The following TEX13A variants were observed in gnomAD, a reference collection of about 807,000 sequenced individuals.
TEX13A encodes testis-expressed protein 13A.
In TEX13A, 8 loss-of-function variants were observed where a neutral mutation model predicts 7.1. The ratio of observed to expected loss-of-function variants is 1.12; its 90% CI spans 0.66 to 2.03. The LOEUF is 2.03. TEX13A is among the 30% of genes most tolerant of loss of function. The pLI is 0.00. For synonymous variants in TEX13A, 151 were observed against 134.2 expected, an observed-to-expected ratio of 1.13 and a Z score of -0.87; for missense variants, 362 against 332.2, an observed-to-expected ratio of 1.09 and a Z score of -0.70.
rs782778489 is a variant in TEX13A, at chrX:105,218,960, G to A, written c.*4C>T. ...TGCTTCGGTTCTATTTTGCATTTCT[G>A]CACTCAATGAGGTTTTTGCAGCCAG... On this transcript the variant is annotated 3_prime_UTR_variant, in exon 3 of 3. Coordinates refer to ENST00000600991, the MANE Select transcript of TEX13A (RefSeq NM_031274.5). 26 of 1,196,896 alleles carry A rather than the reference G, an allele frequency of 2.2e-5. No homozygotes were observed. The South Asian group carries it at 4.7e-4, about 21-fold the overall frequency.
At chrX:105,219,784 G>A (rs782631025) in intron 2 of TEX13A, 26 bp from the exon 3 acceptor site, 23 of 1,177,253 alleles carry the variant, frequency 2.0e-5, no homozygotes, top group African/African-American at 5.3e-5. Flanking sequence ...CAGGGCTGAG[G>A]TGTGTTCTGG....
rs369301346 is a variant in TEX13A, at chrX:105,219,076, A to G, written c.1118T>C (p.Val373Ala). 1.7e-5 allele frequency: 20 copies of G among 1,208,666 alleles called. No homozygotes were observed. In the African/African-American group the frequency reaches 2.5e-4, roughly 15 times the overall value. The change falls in exon 3 of 3, where the codon GTA becomes GCA. Residue 373 changes from valine to alanine, a missense_variant. Coordinates refer to ENST00000600991, the MANE Select transcript of TEX13A (RefSeq NM_031274.5). ...GTCCCAGTCCCCTGGCCTGCGATAT[A>G]CTGGAGGTCTTTGCTGATGAGGTTC... ...YSEPHQQRPP[V>A]YRRPGDWDCP...
In TEX13A at chrX:105,220,649, C is replaced by G. The variant is rs1000334651; in HGVS notation, c.-87G>C. ...GCCAACCCCGCTGTCTTAACACGCC[C>G]GAAGAGAGAGGAAGATCTCTCTCCC... On this transcript the variant is annotated 5_prime_UTR_variant, in exon 1 of 3. Coordinates refer to ENST00000600991, the MANE Select transcript of TEX13A (RefSeq NM_031274.5). 33 of 299,948 alleles carry G rather than the reference C, an allele frequency of 1.1e-4. No individual in the cohort carries two copies. Among genetic ancestry groups the G allele is most frequent in the Non-Finnish European group, 5.2e-5 (9 of 171,490 alleles). 24.7% of individuals were successfully genotyped at this position (299,948 alleles called of 1,213,427 possible).
At chrX:105,219,913 G>A (rs782177310) in intron 2 of TEX13A, 50 bp downstream of exon 2, 6 of 1,136,589 alleles carry the variant, frequency 5.3e-6, no homozygotes, top group Middle Eastern at 2.5e-4. Context: ...AGTGGTACTG[G>A]GCAGGGACCA....
At chrX:105,219,933 T>A in intron 2 of TEX13A, 30 bp downstream of exon 2, 1 of 1,167,600 alleles carries the variant, frequency 8.6e-7, no homozygotes, top group Non-Finnish European at 1.1e-6. Flanking sequence ...AGTTGAGGGA[T>A]CTTACTGCAT....
At position 105,219,208 on chromosome X, in the gene TEX13A, G is replaced by A. The variant is rs781937874; in HGVS notation, c.986C>T (p.Pro329Leu). The change falls in exon 3 of 3, where the codon CCG becomes CTG. Residue 329 changes from proline (P) to leucine (L), a missense_variant. Transcript: ENST00000600991. ...CTCCCAGTCGGAAGGCAGCTGAGGC[G>A]GAACTGGTGCTGTGACTGTTGCTTG... ...PPQATVTAPV[P>L]PQLPSDWEAF... 1.3e-5 allele frequency: 16 copies of A among 1,208,738 alleles called. No individual in the cohort carries two copies. In the African/African-American group the frequency reaches 1.4e-4, roughly 11 times the overall value.
rs1556175093 is a variant in TEX13A, at chrX:105,219,517, G to A, written c.677C>T (p.Pro226Leu). Residue 226 changes from proline to leucine, a missense_variant, in exon 3 of 3, where the codon CCC (proline) becomes CTC (leucine). Physicochemically the swap from Pro to Leu is moderately conservative, Grantham distance 98 (BLOSUM62 -3). Coordinates refer to ENST00000600991, the MANE Select transcript of TEX13A (RefSeq NM_031274.5). ...GGAGGCAGCCCTGGCCTCCACGTGG[G>A]GGAACTGGGTCTCCATGGGGGCAGC... The part of the protein sequence containing the change: ...AGAAPMETQF[P>L]HVEARAASME... 1.7e-6 allele frequency: 2 copies of A among 1,209,400 alleles called. No individual in the cohort carries two copies. The highest frequency in any genetic ancestry group is 3.5e-5 in the South Asian group (2 of 56,910).
chrX:105,219,780 T>C, intron 2 of TEX13A, 22 bp from the exon 3 acceptor site: 1 of 1,182,005 alleles, frequency 8.5e-7, no homozygotes. Context: ...TGGGCAGGGC[T>C]GAGGTGTGTT....
chrX:105,219,269 A>G lies in TEX13A; in HGVS notation c.925T>C (p.Ser309Pro). Reference sequence around the variant, plus strand: ...ATAGTGGGTATGTCTGAGAAGGAGGAAAAAGGGCTTGAGTATGAGTATGAG... The same window carrying G: ...ATAGTGGGTATGTCTGAGAAGGAGGGAAAAGGGCTTGAGTATGAGTATGAG... ...SYSYSYSSPF[S>P]SFSDIPTISP... is the part of the protein sequence containing the mutation. The change falls in exon 3 of 3, where the codon TCC (serine) becomes CCC (proline). Residue 309 changes from serine to proline, a missense_variant. Coordinates refer to ENST00000600991, the MANE Select transcript of TEX13A (RefSeq NM_031274.5). 8.3e-7 allele frequency: 1 copy of G among 1,210,578 alleles called. No individual in the cohort carries two copies. The highest frequency in any genetic ancestry group is 3.0e-5 in the East Asian group (1 of 33,792).
Position 105,219,388 on chromosome X carries a change from G to A in TEX13A, c.806C>T (p.Ser269Leu), listed in dbSNP as rs782161125. 1.6e-5 allele frequency: 19 copies of A among 1,208,316 alleles called. No homozygotes were observed. The highest frequency in any genetic ancestry group is 1.1e-4 in the African/African-American group (6 of 56,727). Residue 269 changes from serine (S) to leucine (L), a missense_variant, in exon 3 of 3, where the codon TCG becomes TTG. Ser to Leu is a moderately radical substitution (Grantham distance 145). Coordinates refer to ENST00000600991, the MANE Select transcript of TEX13A (RefSeq NM_031274.5). ...GAAATAAGATGTGGCTGTTTCGACC[G>A]ACCGGAGATCTCCCTCCTTCTGCCC... ...YWGQKEGDLR[S>L]VETATSYFSG...
In TEX13A at chrX:105,220,602, G is replaced by A. The variant is rs1014496150; in HGVS notation, c.-40C>T. 2.8e-6 allele frequency: 1 copy of A among 362,996 alleles called. No individual in the cohort carries two copies. The highest frequency in any genetic ancestry group is 9.1e-5 in the South Asian group (1 of 10,941). 29.9% of individuals were successfully genotyped at this position (362,996 alleles called of 1,213,427 possible). Reference sequence around the variant, plus strand: ...CCTCCCACCAGGCCTCACCTCTTCAGCCAGGGCCAGAGGAAGTACAGGCCA... The same window carrying A: ...CCTCCCACCAGGCCTCACCTCTTCAACCAGGGCCAGAGGAAGTACAGGCCA... On this transcript the variant is annotated 5_prime_UTR_variant, in exon 1 of 3. Coordinates refer to ENST00000600991, the MANE Select transcript of TEX13A (RefSeq NM_031274.5).
intron 1 of TEX13A, 83 bp from the exon 2 acceptor site, chrX:105,220,512 C>G (rs192502821): frequency 3.1e-5 from 22 of 701,912 alleles, no homozygotes; most frequent in Non-Finnish European, 4.4e-5. Context: ...CTCTTGTCCC[C>G]GCCCTACCCG....
chrX:105,219,926 T>G, intron 2 of TEX13A, 37 bp downstream of exon 2: 1 of 1,157,139 alleles, frequency 8.6e-7, no homozygotes, highest in Non-Finnish European at 1.2e-6. Flanking sequence ...AGGGACCAGT[T>G]GAGGGATCTT....
chrX:105,219,826 C>T lies in TEX13A; in HGVS notation c.436-68G>A, dbSNP rs186480963. 65 of 1,100,000 alleles carry T rather than the reference C, an allele frequency of 5.9e-5. No individual in the cohort carries two copies. In the African/African-American group the frequency reaches 1.1e-3, roughly 19 times the overall value. 90.7% of individuals were successfully genotyped at this position (1,100,000 alleles called of 1,213,427 possible). On this transcript the variant is annotated intron_variant, in intron 2 of 2. Transcript: ENST00000600991. ...GGCGGGAGCACTAAGCAGGGTAGGACGGAGCTACCAGGTGGGAAGGGCGGG... is the reference window on the plus strand; with the variant it reads ...GGCGGGAGCACTAAGCAGGGTAGGATGGAGCTACCAGGTGGGAAGGGCGGG...
At chrX:105,219,807 A>G in intron 2 of TEX13A, 49 bp from the exon 3 acceptor site, 1 of 1,134,373 alleles carries the variant, frequency 8.8e-7, no homozygotes, top group Non-Finnish European at 1.2e-6. Context: ...GCAAGGCGGG[A>G]GCACTAAGCA....
chrX:105,220,245 C>T lies in TEX13A; in HGVS notation c.153G>A (p.Arg51=). The T allele has an allele frequency of 3.3e-6, 4 of 1,211,655 alleles. No individual in the cohort carries two copies. Among genetic ancestry groups the T allele is most frequent in the Non-Finnish European group, 4.5e-6 (4 of 895,440 alleles). Reference sequence around the variant, plus strand: ...GCACCTCGCTGTCCTCCAGTATGGCCCTCAGCTTGTCTTCCACCTTCTCCC... The same window carrying T: ...GCACCTCGCTGTCCTCCAGTATGGCTCTCAGCTTGTCTTCCACCTTCTCCC... The part of the protein sequence containing the change: ...LSWEKVEDKL[R]AILEDSEVPS... The change falls in exon 2 of 3, where the codon AGG becomes AGA. Residue 51 remains arginine (R), a synonymous_variant. Coordinates refer to ENST00000600991, the MANE Select transcript of TEX13A (RefSeq NM_031274.5).
rs150794186 is a variant in TEX13A at position 105,219,948 on chromosome X, C to T, written c.435+15G>A. The T allele has an allele frequency of 9.9e-3, 11,690 of 1,181,511 alleles. 76 individuals are homozygous for T. The highest frequency in any genetic ancestry group is 0.041 in the African/African-American group (2,314 of 56,916). Reference sequence around the variant, plus strand: ...AGTTGAGGGATCTTACTGCATGGAGCGGCTTCCAACTCACCTTGTCTCTCT... The same window carrying T: ...AGTTGAGGGATCTTACTGCATGGAGTGGCTTCCAACTCACCTTGTCTCTCT... On this transcript the variant is annotated intron_variant, in intron 2 of 2. Transcript: ENST00000600991.
chrX:105,220,360 C>T lies in TEX13A; in HGVS notation c.38G>A (p.Arg13Gln), dbSNP rs782635027. Reference sequence around the variant, plus strand: ...GATGAAGGCCACCACGTTGCTATGCCGGAACCCGCTACTGGGGTCCTCAGG... The same window carrying T: ...GATGAAGGCCACCACGTTGCTATGCTGGAACCCGCTACTGGGGTCCTCAGG... ...LRPEDPSSGF[R>Q]HSNVVAFINE... is the part of the protein sequence containing the mutation. The change falls in exon 2 of 3, where the codon CGG becomes CAG. Residue 13 changes from arginine (R) to glutamine (Q), a missense_variant. Transcript: ENST00000600991. 5.8e-6 allele frequency: 7 copies of T among 1,197,584 alleles called. No individual in the cohort carries two copies. The East Asian group carries it at 8.9e-5, about 15-fold the overall frequency.
chrX:105,219,290 A>T lies in TEX13A; in HGVS notation c.904T>A (p.Tyr302Asn). ...GAGGAAAAAGGGCTTGAGTATGAGT[A>T]TGAGTATGAGGCAGGGAGCTGGACA... ...LPVQLPASYSYSYSSPFSSFS... is the reference protein window; with the variant it reads ...LPVQLPASYSNSYSSPFSSFS... The change falls in exon 3 of 3, where the codon TAC becomes AAC. Residue 302 changes from tyrosine (Y) to asparagine (N), a missense_variant. Physicochemically the swap from Tyr to Asn is moderately radical, Grantham distance 143 (BLOSUM62 -2). Transcript: ENST00000600991. The T allele has an allele frequency of 8.3e-7, 1 of 1,210,683 alleles. No homozygotes were observed. Among genetic ancestry groups the T allele is most frequent in the East Asian group, 3.0e-5 (1 of 33,797 alleles).
Sources: gnomAD v4.1 joint callset for allele counts on GRCh38, gnomAD v4.1.1 for gene constraint, MANE v1.5 for transcripts, NCBI Gene and HGNC (gene_info 2026-07-23, HGNC 2026-07-21) for gene names.